CDH13: variants seen among roughly 807,000 people sequenced by gnomAD.
The protein encoded by CDH13 is cadherin-13.
CDH13 carries 24 observed loss-of-function variants against 63.8 expected under a neutral mutation model. The observed-to-expected ratio is 0.38, with a 90% CI of 0.27 to 0.53. The LOEUF (loss-of-function observed/expected upper bound fraction) is 0.53, where lower values mean the gene tolerates loss of function less well. CDH13 is among the 20% of genes least tolerant of loss of function. The pLI is 0.85. For synonymous variants in CDH13, 503 were observed against 355.3 expected (o/e 1.42, Z -4.67); for missense variants, 1,049 against 903.1 (o/e 1.16, Z -2.07).
chr16:83,302,626 G>A (rs575177628), intron 5 of CDH13, among the ~76,000 whole-genome samples: 3 of 152,166 alleles, frequency 2.0e-5, no homozygotes, highest in Non-Finnish European at 2.9e-5. Context: ...AGGAATTAGG[G>A]GAGAAACAGT....
At chr16:82,757,137 C>G (rs2034641094) in intron 1 of CDH13, among the ~76,000 whole-genome samples, 1 of 152,144 alleles carries the variant, frequency 6.6e-6, no homozygotes, top group Non-Finnish European at 1.5e-5. Flanking sequence ...CACAGTACCT[C>G]CATGCTGTAT....
At chr16:82,978,762 G>A (rs12933223) in intron 2 of CDH13, among the ~76,000 whole-genome samples, 6,105 of 152,370 alleles carry the variant, frequency 0.04, 130 homozygotes, top group Admixed American at 0.048. Flanking sequence ...TGCTAGAGCA[G>A]TGCAGAAGGG....
At chr16:82,793,218 A>G (rs758954548) in intron 1 of CDH13, among the ~76,000 whole-genome samples, 12 of 152,224 alleles carry the variant, frequency 7.9e-5, no homozygotes, top group Admixed American at 2.0e-4. Flanking sequence ...GAGCATTTGC[A>G]AGGGCAGCAT....
intron 6 of CDH13, among the ~76,000 whole-genome samples, chr16:83,428,315 TA>T (rs1298922645): frequency 6.6e-6 from 1 of 151,560 alleles, no homozygotes; most frequent in Non-Finnish European, 1.5e-5. Flanking sequence ...TTTTTGTTTT[TA>T]AAAACATTGG....
intron 1 of CDH13, among the ~76,000 whole-genome samples, chr16:82,810,206 C>T (rs570546513): frequency 2.6e-5 from 4 of 152,176 alleles, no homozygotes; most frequent in Non-Finnish European, 5.9e-5. Context: ...TAGGCAAAAA[C>T]GTATCCAGTT....
At chr16:83,568,261 C>T (rs188668596) in intron 7 of CDH13, among the ~76,000 whole-genome samples, 52 of 152,158 alleles carry the variant, frequency 3.4e-4, no homozygotes, top group African/African-American at 1.0e-3. Flanking sequence ...AATGAAGCCA[C>T]GAGTTTGGCC....
At chr16:83,779,406 CAA>C (rs144757645) in intron 11 of CDH13, among the ~76,000 whole-genome samples, 96 of 82,424 alleles carry the variant, frequency 1.2e-3, no homozygotes, top group Admixed American at 4.0e-3. Flanking sequence ...GACTCCATCT[CAA>C]AAAAAAAAAA....
At chr16:83,612,268 T>C (rs79626065) in intron 8 of CDH13, among the ~76,000 whole-genome samples, 752 of 152,198 alleles carry the variant, frequency 4.9e-3, no homozygotes, top group Non-Finnish European at 8.8e-3. Context: ...TACCTCTCTA[T>C]CTCTGCAAAT....
intron 8 of CDH13, among the ~76,000 whole-genome samples, chr16:83,648,313 A>G (rs924248813): frequency 4.6e-5 from 7 of 152,218 alleles, no homozygotes; most frequent in African/African-American, 1.4e-4. Flanking sequence ...AGAACTTTCC[A>G]TATGGACTGT....
At chr16:83,398,782 C>T (rs892364679) in intron 6 of CDH13, among the ~76,000 whole-genome samples, 2 of 152,148 alleles carry the variant, frequency 1.3e-5, no homozygotes, top group African/African-American at 2.4e-5. Flanking sequence ...GAAATAGCAC[C>T]TTTTCAGAAG....
At chr16:82,910,455 A>AT (rs1397721134) in intron 2 of CDH13, among the ~76,000 whole-genome samples, 3 of 151,930 alleles carry the variant, frequency 2.0e-5, no homozygotes, top group African/African-American at 7.3e-5. Context: ...TTGACTTTAG[A>AT]TTTTTTTTGT....
At chr16:83,508,876 G>A (rs1165344604) in intron 7 of CDH13, among the ~76,000 whole-genome samples, 1 of 152,188 alleles carries the variant, frequency 6.6e-6, no homozygotes, top group African/African-American at 2.4e-5. Context: ...AAGGTACCGT[G>A]TAGAGCTGAG....
intron 2 of CDH13, among the ~76,000 whole-genome samples, chr16:82,970,097 C>T (rs1597325579): frequency 6.6e-6 from 1 of 152,186 alleles, no homozygotes; most frequent in African/African-American, 2.4e-5. Context: ...AGACCCCTAC[C>T]CATCGACAGT....
chr16:83,062,054 T>C (rs2031601823), intron 3 of CDH13, among the ~76,000 whole-genome samples: 1 of 152,214 alleles, frequency 6.6e-6, no homozygotes, highest in Middle Eastern at 3.2e-3. Flanking sequence ...GCTATCAGGA[T>C]GGCTGAGGCT....
At chr16:82,710,532 CAAAAAAAAA>C (rs71913517) in intron 1 of CDH13, among the ~76,000 whole-genome samples, 156 of 55,898 alleles carry the variant, frequency 2.8e-3, no homozygotes, top group African/African-American at 0.011. Context: ...GACTCTGTCT[CAAAAAAAAA>C]AAAAAAAAAA....
intron 1 of CDH13, among the ~76,000 whole-genome samples, chr16:82,832,770 A>C (rs111227935): frequency 1.3e-5 from 2 of 152,342 alleles, no homozygotes; most frequent in Non-Finnish European, 2.9e-5. Flanking sequence ...ATATTCTGAA[A>C]TGTAAATAGA....
intron 4 of CDH13, among the ~76,000 whole-genome samples, chr16:83,211,684 T>C (rs1349464298): frequency 1.3e-5 from 2 of 152,094 alleles, no homozygotes; most frequent in African/African-American, 4.8e-5. Flanking sequence ...AGTCACTACC[T>C]GCTCCAGGCC....
intron 3 of CDH13, among the ~76,000 whole-genome samples, chr16:83,046,572 T>C (rs187168682): frequency 6.6e-6 from 1 of 152,274 alleles, no homozygotes; most frequent in Admixed American, 6.5e-5. Context: ...ATCTTATAGC[T>C]CTTAGCAATT....
chr16:82,792,162 T>G (rs2036341378), intron 1 of CDH13, among the ~76,000 whole-genome samples: 1 of 152,150 alleles, frequency 6.6e-6, no homozygotes, highest in South Asian at 2.1e-4. Context: ...GTTCCTTGAC[T>G]TCATAGACTC....
Sources: allele counts gnomAD v4.1 joint callset (sites outside exome capture counted in the v4.1 genomes callset), GRCh38; gene constraint gnomAD v4.1.1; transcripts MANE v1.5; gene names NCBI Gene and HGNC (gene_info 2026-07-23, HGNC 2026-07-21).